The following SLC9A7 variants were observed in gnomAD, a reference collection of about 807,000 sequenced individuals.
SLC9A7 encodes the protein solute carrier family 9 member A7, also known as sodium/hydrogen exchanger 7.
SLC9A7 carries 19 observed loss-of-function variants against 52.6 expected under a neutral mutation model. The ratio of observed to expected loss-of-function variants is 0.36; its 90% CI spans 0.25 to 0.53. The LOEUF is 0.53. Among genes scored for constraint, SLC9A7 ranks in the 20% least tolerant of loss-of-function variants. SLC9A7 has a pLI of 0.91. For synonymous variants in SLC9A7, 226 were observed against 252.1 expected, an observed-to-expected ratio of 0.90 and a Z score of 0.98; for missense variants, 455 against 597.9, an observed-to-expected ratio of 0.76 and a Z score of 2.49.
At chrX:46,751,901 C>G (rs1922262432) in intron 1 of SLC9A7, among the ~76,000 whole-genome samples, 1 of 112,076 alleles carries the variant, frequency 8.9e-6, no homozygotes, top group Non-Finnish European at 1.9e-5. Context: ...TTAATCAGTG[C>G]TAGAAAGAGT....
intron 1 of SLC9A7, among the ~76,000 whole-genome samples, chrX:46,723,395 G>C (rs1176408495): frequency 9.2e-6 from 1 of 108,633 alleles, no homozygotes; most frequent in Non-Finnish European, 1.9e-5. Context: ...CTGAATCCCT[G>C]AGTCAGCCCC....
chrX:46,622,161 G>C (rs1244344131), intron 14 of SLC9A7, among the ~76,000 whole-genome samples: 8 of 111,877 alleles, frequency 7.2e-5, no homozygotes, highest in Non-Finnish European at 1.3e-4. Context: ...CGGTATTTCA[G>C]GAATGTTTAG....
chrX:46,653,714 C>T lies in SLC9A7; in HGVS notation c.1042G>A (p.Val348Met), dbSNP rs754677560. The change falls in exon 8 of 17, where the codon GTG (valine) becomes ATG (methionine). Residue 348 changes from valine to methionine, a missense_variant and splice_region_variant. Val to Met is a conservative substitution (Grantham distance 21, BLOSUM62 1). Transcript: ENST00000616978. The stretch of plus-strand genomic sequence containing the variant: ...CAGTGCAGTTTGGTAAACTTAGTCA[C>T]GTTGGCATTCTGTCAAGGACCCTGT... Reference protein sequence around the residue: ...GAVTGVVTALVTKFTKLHCFP... With the variant: ...GAVTGVVTALMTKFTKLHCFP... 17 of 1,197,836 alleles carry T rather than the reference C, an allele frequency of 1.4e-5. No homozygotes were observed. The highest frequency in any genetic ancestry group is 3.0e-5 in the East Asian group (1 of 33,658).
intron 1 of SLC9A7, among the ~76,000 whole-genome samples, chrX:46,743,248 G>C (rs1051046792): frequency 2.7e-5 from 3 of 111,827 alleles, no homozygotes; most frequent in African/African-American, 9.8e-5. Context: ...TATTCCAATA[G>C]GTCCTGGGAA....
At chrX:46,614,378 T>C (rs901924767) in intron 15 of SLC9A7, among the ~76,000 whole-genome samples, 1 of 111,891 alleles carries the variant, frequency 8.9e-6, no homozygotes, top group African/African-American at 3.3e-5. Flanking sequence ...TATTACATAC[T>C]GTACTGAAAA....
chrX:46,661,928 T>C (rs1301584620), intron 7 of SLC9A7, 88 bp downstream of exon 7: 2 of 887,006 alleles, frequency 2.3e-6, no homozygotes, highest in South Asian at 3.1e-5. Context: ...AAAATTCCAA[T>C]TTGAAAGAAC....
chrX:46,701,978 C>A (rs375159457), intron 1 of SLC9A7, among the ~76,000 whole-genome samples: 2 of 111,622 alleles, frequency 1.8e-5, no homozygotes, highest in African/African-American at 6.5e-5. Flanking sequence ...ATTCTCTGGA[C>A]ACTGCTAGAC....
intron 7 of SLC9A7, among the ~76,000 whole-genome samples, chrX:46,656,781 A>G (rs1943704123): frequency 9.0e-6 from 1 of 111,092 alleles, no homozygotes; most frequent in Admixed American, 9.6e-5. Flanking sequence ...GAATGGAACC[A>G]AGTTGGAAAA....
intron 1 of SLC9A7, among the ~76,000 whole-genome samples, chrX:46,696,627 T>C (rs1004866734): frequency 9.0e-6 from 1 of 111,458 alleles, no homozygotes; most frequent in Non-Finnish European, 1.9e-5. Flanking sequence ...AATATTTGGG[T>C]ACCCACTATG....
chrX:46,608,143 C>A (rs1267518062), intron 16 of SLC9A7, among the ~76,000 whole-genome samples: 1 of 112,610 alleles, frequency 8.9e-6, no homozygotes. Context: ...AGGCCATGGG[C>A]AGATTCCCCG....
chrX:46,706,874 G>A (rs190919724), intron 1 of SLC9A7, among the ~76,000 whole-genome samples: 1 of 111,372 alleles, frequency 9.0e-6, no homozygotes, highest in East Asian at 2.8e-4. Context: ...CCGAGTAGCT[G>A]GGATTACAGG....
In SLC9A7 at chrX:46,605,636, C is replaced by A. The variant is rs1183739467; in HGVS notation, c.*1316G>T. On this transcript the variant is annotated 3_prime_UTR_variant, in exon 17 of 17. Transcript: ENST00000616978. The stretch of plus-strand genomic sequence containing the variant: ...ATTCGTCGGCTCAAAGTTTGGAATT[C>A]TACCTAGTCTTGAGACTACTATCTT... 1 of 111,972 alleles carries A rather than the reference C, an allele frequency of 8.9e-6. No homozygotes were observed. Among genetic ancestry groups the A allele is most frequent in the African/African-American group, 3.2e-5 (1 of 30,784 alleles). 9.2% of individuals were successfully genotyped at this position (111,972 alleles called of 1,213,427 possible).
At chrX:46,708,999 C>T (rs897362706) in intron 1 of SLC9A7, among the ~76,000 whole-genome samples, 2 of 111,240 alleles carry the variant, frequency 1.8e-5, no homozygotes, top group South Asian at 3.8e-4. Context: ...AAGATAAATG[C>T]GTTAAATAGT....
At chrX:46,668,029 G>A (rs920255661) in intron 5 of SLC9A7, among the ~76,000 whole-genome samples, 1 of 111,799 alleles carries the variant, frequency 8.9e-6, no homozygotes, top group African/African-American at 3.3e-5. Flanking sequence ...CAGGAATGCC[G>A]CACAAAAGGA....
chrX:46,738,027 AAAAAAAAGAAAG>A (rs1569525212), intron 1 of SLC9A7, among the ~76,000 whole-genome samples: 2 of 88,109 alleles, frequency 2.3e-5, no homozygotes, highest in African/African-American at 9.3e-5. Flanking sequence ...ACCCTGTCTC[AAAAAAAAGAAAG>A]AAAGAAAGAA....
chrX:46,743,467 C>T (rs745707076), intron 1 of SLC9A7, among the ~76,000 whole-genome samples: 10 of 112,192 alleles, frequency 8.9e-5, no homozygotes, highest in Non-Finnish European at 1.7e-4. Flanking sequence ...AAGCAAGCTT[C>T]CCTAAACAGA....
chrX:46,739,185 A>AG (rs1162784254), intron 1 of SLC9A7, among the ~76,000 whole-genome samples: 3 of 111,781 alleles, frequency 2.7e-5, no homozygotes, highest in Middle Eastern at 4.6e-3. Context: ...CTTCAGGCAT[A>AG]TATTACCACA....
chrX:46,738,567 C>T (rs1477906012), intron 1 of SLC9A7, among the ~76,000 whole-genome samples: 1 of 111,638 alleles, frequency 9.0e-6, no homozygotes, highest in African/African-American at 3.3e-5. Context: ...GTCAGGAGTT[C>T]GAGACCAGCC....
chrX:46,612,185 C>T (rs1382548438), intron 16 of SLC9A7, among the ~76,000 whole-genome samples: 1 of 112,472 alleles, frequency 8.9e-6, no homozygotes, highest in Non-Finnish European at 1.9e-5. Flanking sequence ...TATGACCCAA[C>T]GAATGAACTT....
Sources: allele counts gnomAD v4.1 joint callset (sites outside exome capture counted in the v4.1 genomes callset), GRCh38; gene constraint gnomAD v4.1.1; transcripts MANE v1.5; gene names NCBI Gene and HGNC (gene_info 2026-07-23, HGNC 2026-07-21).